MICAL3: variants seen among roughly 807,000 people sequenced by gnomAD.
MICAL3 encodes the protein [F-actin]-monooxygenase MICAL3.
Under a neutral mutation model 207.4 loss-of-function variants are expected in MICAL3, and 62 were observed. The ratio of observed to expected loss-of-function variants is 0.30; its 90% CI spans 0.24 to 0.37. The LOEUF (loss-of-function observed/expected upper bound fraction) is 0.37. MICAL3 is among the 10% of genes least tolerant of loss of function. The pLI, the probability that MICAL3 is intolerant of heterozygous loss-of-function variation, is 1.00. For synonymous variants in MICAL3, 1,077 were observed against 1,069.3 expected, an observed-to-expected ratio of 1.01 and a Z score of -0.14; for missense variants, 2,368 against 2,635.6, an observed-to-expected ratio of 0.90 and a Z score of 2.22.
chr22:17,938,099 C>T (rs1419907947), intron 1 of MICAL3, among the ~76,000 whole-genome samples: 1 of 152,134 alleles, frequency 6.6e-6, no homozygotes, highest in Non-Finnish European at 1.5e-5. Context: ...GGGCACTTCA[C>T]AGAAATATTT....
At chr22:17,951,226 G>A (rs191373330) in intron 1 of MICAL3, among the ~76,000 whole-genome samples, 1 of 152,304 alleles carries the variant, frequency 6.6e-6, no homozygotes, top group Admixed American at 6.5e-5. Flanking sequence ...TGAATAGGCA[G>A]GGTGGTACAG....
At chr22:18,019,944 G>GT (rs1924348683) in intron 1 of MICAL3, 1 of 150,364 alleles carries the variant, frequency 6.7e-6, no homozygotes, top group South Asian at 2.1e-4. Flanking sequence ...TCCCGAGTAG[G>GT]TGGGACTACA....
At chr22:17,968,192 G>A in intron 1 of MICAL3, among the ~76,000 whole-genome samples, 1 of 152,210 alleles carries the variant, frequency 6.6e-6, no homozygotes, top group Non-Finnish European at 1.5e-5. Context: ...AGAGTGAAGA[G>A]GAAAGAGAGG....
In MICAL3 at chr22:17,810,777, G is replaced by A; in HGVS notation, c.5482C>T (p.Leu1828=). 6.2e-7 allele frequency: 1 copy of A among 1,614,012 alleles called. No individual in the cohort carries two copies. ...GCTGCCTTTTGCACACGCCGGGTCA[G>A]CTTGGCATTCAGTTCCTCCTCCGTG... ...TYTEEELNAK[L]TRRVQKAARR... is the part of the protein sequence containing the mutation. The change falls in exon 28 of 32, where the codon CTG becomes TTG. Residue 1828 remains leucine (L), a synonymous_variant. Transcript: ENST00000441493.
intron 29 of MICAL3, among the ~76,000 whole-genome samples, chr22:17,798,259 G>A (rs1189620255): frequency 6.6e-6 from 1 of 152,200 alleles, no homozygotes; most frequent in Non-Finnish European, 1.5e-5. Context: ...AGACTTTCAA[G>A]AGGTGGAGGC....
intron 19 of MICAL3, among the ~76,000 whole-genome samples, chr22:17,842,873 G>A (rs1223197039): frequency 6.6e-6 from 1 of 152,170 alleles, no homozygotes; most frequent in Non-Finnish European, 1.5e-5. Flanking sequence ...TGTAATCCCA[G>A]CACTTGGGGA....
chr22:17,836,212 CCT>C (rs1459468603), intron 20 of MICAL3, among the ~76,000 whole-genome samples: 1 of 152,226 alleles, frequency 6.6e-6, no homozygotes. Context: ...GCTCTGCAGT[CCT>C]CTGCTGTGTC....
At chr22:17,821,604 G>T in intron 24 of MICAL3, 95 bp from the exon 25 acceptor site, 2 of 1,017,540 alleles carry the variant, frequency 2.0e-6, no homozygotes, top group South Asian at 3.0e-5. Flanking sequence ...GGAGGGGAGG[G>T]TAGAGGGCGA....
At position 17,881,804 on chromosome 22, in the gene MICAL3, G is replaced by A. The variant is rs183768532; in HGVS notation, c.2241+4074C>T. ...CAAAGGGCTCCAGGAAACTAACAAG[G>A]AAATGCAACAAAGGCAGGAGCATGA... On this transcript the variant is annotated intron_variant, in intron 16 of 31. Coordinates refer to ENST00000441493, the MANE Select transcript of MICAL3 (RefSeq NM_015241.3). Among the ~76,000 whole-genome samples the A allele has an allele frequency of 2.6e-4, 40 of 152,310 alleles. No homozygotes were observed. In the East Asian group the frequency reaches 5.0e-3, roughly 19 times the overall value.
chr22:17,886,277 A>T (rs554343692), intron 15 of MICAL3, among the ~76,000 whole-genome samples: 1 of 152,356 alleles, frequency 6.6e-6, no homozygotes, highest in South Asian at 2.1e-4. Context: ...CTGCCCTCGA[A>T]CACATGTATG....
chr22:17,950,907 T>A (rs1470176953), intron 1 of MICAL3, among the ~76,000 whole-genome samples: 1 of 152,156 alleles, frequency 6.6e-6, no homozygotes, highest in Non-Finnish European at 1.5e-5. Context: ...AAAGAATGCT[T>A]CATGAGACAT....
chr22:17,881,945 A>G (rs1300435893), intron 16 of MICAL3, among the ~76,000 whole-genome samples: 3 of 152,154 alleles, frequency 2.0e-5, no homozygotes, highest in Admixed American at 2.0e-4. Context: ...ACAATTTACA[A>G]AGCCGCTGGT....
At chr22:17,859,368 G>A (rs1332403703) in intron 19 of MICAL3, among the ~76,000 whole-genome samples, 1 of 152,232 alleles carries the variant, frequency 6.6e-6, no homozygotes. Context: ...GCAGACTCGG[G>A]GCTGAGTGCT....
At chr22:17,871,187 C>T (rs73151042) in intron 17 of MICAL3, among the ~76,000 whole-genome samples, 157 of 152,316 alleles carry the variant, frequency 1.0e-3, no homozygotes, top group Non-Finnish European at 1.7e-3. Context: ...CTGCCCATCA[C>T]GATGGCTCTA....
At chr22:17,976,812 T>C (rs1428769625) in intron 1 of MICAL3, among the ~76,000 whole-genome samples, 1 of 143,308 alleles carries the variant, frequency 7.0e-6, no homozygotes, top group Non-Finnish European at 1.5e-5. Context: ...GACTTCTTCT[T>C]TTTTTTTTTT....
In MICAL3 at chr22:17,925,162, G is replaced by A. The variant is rs769625928; in HGVS notation, c.-74-18276C>T. Among the ~76,000 whole-genome samples, 3 of 152,140 alleles carry A rather than the reference G, an allele frequency of 2.0e-5. No homozygotes were observed. The South Asian group carries it at 6.2e-4, about 32-fold the overall frequency. ...CACACTAGGTGCCGAGCACCTGAGA[G>A]AGCAAGGGGAAGGGAGCCAGGTGAG... On this transcript the variant is annotated intron_variant, in intron 1 of 31. Coordinates refer to ENST00000441493, the MANE Select transcript of MICAL3 (RefSeq NM_015241.3).
chr22:17,994,258 T>C (rs401099), intron 1 of MICAL3, among the ~76,000 whole-genome samples: 35,323 of 152,092 alleles, frequency 0.23, 4,764 homozygotes, highest in East Asian at 0.52. Context: ...TGACTTTCTG[T>C]GGGCTGGGGA....
intron 1 of MICAL3, among the ~76,000 whole-genome samples, chr22:17,991,181 G>A (rs1569159717): frequency 6.6e-6 from 1 of 152,198 alleles, no homozygotes; most frequent in Non-Finnish European, 1.5e-5. Context: ...CGCACCAACA[G>A]GCCCAGATGA....
At chr22:17,862,285 T>C (rs1415596369) in intron 19 of MICAL3, 33 of 970,822 alleles carry the variant, frequency 3.4e-5, no homozygotes, top group Non-Finnish European at 3.9e-5. Context: ...AGATGGAGTC[T>C]TGCTCTGTCA....
Sources: gnomAD v4.1 joint callset for allele counts (sites outside exome capture counted in the v4.1 genomes callset) on GRCh38, gnomAD v4.1.1 for gene constraint, MANE v1.5 for transcripts, NCBI Gene and HGNC (gene_info 2026-07-23, HGNC 2026-07-21) for gene names.